Variants in GABRA2 observed in about 807,000 individuals in gnomAD.
The protein encoded by GABRA2 is gamma-aminobutyric acid type A receptor subunit alpha2.
A neutral mutation model predicts 48.7 loss-of-function variants in GABRA2; 16 were observed. The observed-to-expected ratio is 0.33, with a 90% CI of 0.22 to 0.50. GABRA2 has a LOEUF of 0.50. Ranked by LOEUF, GABRA2 falls within the 20% of genes least tolerant of loss-of-function variation. GABRA2 has a pLI of 0.98. For missense variants in GABRA2, 275 were observed against 535.6 expected, an observed-to-expected ratio of 0.51 and a Z score of 4.80; for synonymous variants, 185 against 184.5, an observed-to-expected ratio of 1.00 and a Z score of -0.02.
At chr4:46,326,853 C>T (rs907537329) in intron 4 of GABRA2, among the ~76,000 whole-genome samples, 2 of 151,858 alleles carry the variant, frequency 1.3e-5, no homozygotes, top group African/African-American at 2.4e-5. Context: ...TGTTCATCCC[C>T]GAGCAACAGA....
chr4:46,353,403 G>A (rs887392398), intron 3 of GABRA2, among the ~76,000 whole-genome samples: 2 of 152,070 alleles, frequency 1.3e-5, no homozygotes, highest in Non-Finnish European at 2.9e-5. Context: ...GGTCTGATAA[G>A]ATATAAGAAA....
intron 3 of GABRA2, among the ~76,000 whole-genome samples, chr4:46,370,527 A>T (rs924520166): frequency 3.3e-4 from 51 of 152,288 alleles, no homozygotes; most frequent in African/African-American, 1.2e-3. Context: ...CATGCCATGT[A>T]TAAAGAATGT....
intron 3 of GABRA2, among the ~76,000 whole-genome samples, chr4:46,333,795 G>C (rs279831): frequency 0.41 from 61,664 of 151,810 alleles, 13,080 homozygotes; most frequent in East Asian, 0.56. Flanking sequence ...TCAAAGAAAG[G>C]TAAGCAAACT....
chr4:46,351,590 T>C (rs1735138762), intron 3 of GABRA2, among the ~76,000 whole-genome samples: 1 of 151,992 alleles, frequency 6.6e-6, no homozygotes, highest in South Asian at 2.1e-4. Context: ...AAATATATTT[T>C]CTACAGACAA....
chr4:46,284,889 G>A (rs1312126006), intron 8 of GABRA2, among the ~76,000 whole-genome samples: 1 of 151,670 alleles, frequency 6.6e-6, no homozygotes, highest in Non-Finnish European at 1.5e-5. Flanking sequence ...TGGACTTAGG[G>A]GAAGTGCAGG....
In GABRA2 at chr4:46,257,394, T is replaced by C. The variant is rs147418947; in HGVS notation, c.1059+4532A>G. Among the ~76,000 whole-genome samples, 492 of 151,650 alleles carry C rather than the reference T, an allele frequency of 3.2e-3. 1 individual carries two copies. The highest frequency in any genetic ancestry group is 0.011 in the African/African-American group (444 of 41,478). ...GAGGCATGGATGTTTGGGAAAATGA[T>C]TGTGGCTAGTAATGGTTAGAGAAAG... On this transcript the variant is annotated intron_variant, in intron 9 of 9. Coordinates refer to ENST00000381620, the MANE Select transcript of GABRA2 (RefSeq NM_000807.4).
chr4:46,262,917 A>AAG (rs1428493899), intron 8 of GABRA2, among the ~76,000 whole-genome samples: 1 of 147,766 alleles, frequency 6.8e-6, no homozygotes, highest in Non-Finnish European at 1.5e-5. Flanking sequence ...GAAAGAAAGA[A>AAG]AGAGAGAGAG....
Position 46,244,244 on chromosome 4 carries a change from A to C in GABRA2, c.*6064T>G, listed in dbSNP as rs1713296124. ...AGCACAATCAATTGCTTCAACGACT[A>C]TGTCGAATATGTTAAAAATAAATTC... On this transcript the variant is annotated 3_prime_UTR_variant, in exon 10 of 10. Coordinates refer to ENST00000381620, the MANE Select transcript of GABRA2 (RefSeq NM_000807.4). 6.6e-6 allele frequency: 1 copy of C among 151,632 alleles called. No homozygotes were observed. The highest frequency in any genetic ancestry group is 1.5e-5 in the Non-Finnish European group (1 of 67,722). 9.4% of individuals were successfully genotyped at this position (151,632 alleles called of 1,614,324 possible). A position where few individuals can be genotyped will look rare whatever the true frequency, so the allele number is the denominator to read the frequency against.
chr4:46,348,234 C>G lies in GABRA2; in HGVS notation c.188-15552G>C, dbSNP rs367981223. Among the ~76,000 whole-genome samples, 45 of 152,184 alleles carry G rather than the reference C, an allele frequency of 3.0e-4. 1 individual carries two copies. In the East Asian group the frequency reaches 5.6e-3, roughly 19 times the overall value. On this transcript the variant is annotated intron_variant, in intron 3 of 9. Transcript: ENST00000381620. ...TCAAAACCACAATGAGATACCATCT[C>G]ACACCAGTTAGAATGGCAGTCATTA...
Position 46,312,749 on chromosome 4 carries a change from G to A in GABRA2, c.256-33C>T, listed in dbSNP as rs1727863955. 5 of 1,121,722 alleles carry A rather than the reference G, an allele frequency of 4.5e-6. No individual in the cohort carries two copies. The South Asian group carries it at 5.9e-5, about 13-fold the overall frequency. The allele number at this position is 1,121,722 out of a possible 1,614,324, so 69.5% of individuals were successfully genotyped here. A position where few individuals can be genotyped will look rare whatever the true frequency, so the allele number is the denominator to read the frequency against. ...AAAAAATAGAATTTTTTTGAAAATA[G>A]TAAATGTTGTAGACACAAGACACGG... On this transcript the variant is annotated intron_variant, in intron 4 of 9. Coordinates refer to ENST00000381620, the MANE Select transcript of GABRA2 (RefSeq NM_000807.4).
rs141392459 is a variant in GABRA2 at position 46,379,441 on chromosome 4, A to G, written c.187+6633T>C. Among the ~76,000 whole-genome samples the G allele has an allele frequency of 6.6e-3, 1,003 of 152,346 alleles. 3 individuals are homozygous for G. The highest frequency in any genetic ancestry group is 0.01 in the Non-Finnish European group (706 of 68,028). On this transcript the variant is annotated intron_variant, in intron 3 of 9. Coordinates refer to ENST00000381620, the MANE Select transcript of GABRA2 (RefSeq NM_000807.4). ...AGGAAATGACAAATAACTTGATATC[A>G]GTCATTTACACTTTTATTAAAAGCT...
At position 46,295,034 on chromosome 4, in the gene GABRA2, G is replaced by A. The variant is rs144380252; in HGVS notation, c.856+8426C>T. Among the ~76,000 whole-genome samples, 31 of 152,288 alleles carry A rather than the reference G, an allele frequency of 2.0e-4. No homozygotes were observed. The East Asian group carries it at 4.8e-3, about 24-fold the overall frequency. On this transcript the variant is annotated intron_variant, in intron 8 of 9. Transcript: ENST00000381620. ...TGCTACCCTGCCTTCTCTCTGCACCGATGGCCTCATGGGGAGTTCCCTATG... is the reference window on the plus strand; with the variant it reads ...TGCTACCCTGCCTTCTCTCTGCACCAATGGCCTCATGGGGAGTTCCCTATG...
intron 8 of GABRA2, among the ~76,000 whole-genome samples, chr4:46,288,057 T>C (rs1722896567): frequency 6.6e-6 from 1 of 152,060 alleles, no homozygotes; most frequent in African/African-American, 2.4e-5. Flanking sequence ...TTCACTATCA[T>C]GAGAACAGAA....
At chr4:46,369,520 C>T (rs1262582077) in intron 3 of GABRA2, among the ~76,000 whole-genome samples, 1 of 149,052 alleles carries the variant, frequency 6.7e-6, no homozygotes, top group Non-Finnish European at 1.5e-5. Context: ...AATACAGATA[C>T]CATTAGCCAT....
At chr4:46,361,314 C>A (rs1713148515) in intron 3 of GABRA2, among the ~76,000 whole-genome samples, 1 of 152,144 alleles carries the variant, frequency 6.6e-6, no homozygotes, top group Non-Finnish European at 1.5e-5. Context: ...TGGTGCCCTG[C>A]ATCCCAGTTG....
chr4:46,340,992 A>G (rs1733122763), intron 3 of GABRA2, among the ~76,000 whole-genome samples: 1 of 151,754 alleles, frequency 6.6e-6, no homozygotes, highest in Admixed American at 6.6e-5. Flanking sequence ...GATTCTTCTG[A>G]CTGTACCAAT....
At chr4:46,334,865 C>T (rs961614972) in intron 3 of GABRA2, among the ~76,000 whole-genome samples, 4 of 152,006 alleles carry the variant, frequency 2.6e-5, no homozygotes, top group Admixed American at 6.6e-5. Context: ...ATGGAAGTTC[C>T]GAAAAAGGAA....
rs146274569 is a variant in GABRA2, at chr4:46,315,940, T to TAC, written c.256-3225_256-3224insGT. 5.4e-3 allele frequency among the ~76,000 whole-genome samples: 813 copies of TAC among 149,642 alleles called. 3 individuals are homozygous for TAC. The highest frequency in any genetic ancestry group is 9.6e-3 in the African/African-American group (390 of 40,816). Reference sequence around the variant, plus strand: ...CATGTACTTTCACATTTAGTACATATATACACACACACACACACACACACA... The same window carrying TAC: ...CATGTACTTTCACATTTAGTACATATACATACACACACACACACACACACACA... On this transcript the variant is annotated intron_variant, in intron 4 of 9. Coordinates refer to ENST00000381620, the MANE Select transcript of GABRA2 (RefSeq NM_000807.4).
intron 4 of GABRA2, among the ~76,000 whole-genome samples, chr4:46,317,480 G>A (rs1299502868): frequency 1.3e-5 from 2 of 151,752 alleles, no homozygotes; most frequent in African/African-American, 2.4e-5. Flanking sequence ...TTAAGGTCAT[G>A]TTTATAAGGC....
Sources: allele counts gnomAD v4.1 joint callset (sites outside exome capture counted in the v4.1 genomes callset), GRCh38; gene constraint gnomAD v4.1.1; transcripts MANE v1.5; gene names NCBI Gene and HGNC (gene_info 2026-07-23, HGNC 2026-07-21).